Variants in EIF4A2 observed in about 807,000 individuals in gnomAD.
EIF4A2 encodes the protein eukaryotic translation initiation factor 4A2.
A neutral mutation model predicts 50.6 loss-of-function variants in EIF4A2; 9 were observed. The observed-to-expected ratio is 0.18, with a 90% confidence interval of 0.11 to 0.31. The LOEUF (loss-of-function observed/expected upper bound fraction) is 0.31, where lower values mean the gene tolerates loss of function less well. Among genes scored for constraint, EIF4A2 ranks in the 10% least tolerant of loss-of-function variants. EIF4A2 has a pLI of 1.00. For missense variants in EIF4A2, 182 were observed against 501.8 expected (o/e 0.36, Z 6.09); for synonymous variants, 215 against 164.4 (o/e 1.31, Z -2.35).
At chr3:186,784,768 G>A (rs2108455030) in intron 3 of EIF4A2, 72 bp downstream of exon 3, 1 of 1,608,254 alleles carries the variant, frequency 6.2e-7, no homozygotes, top group African/African-American at 1.3e-5. Context: ...GTAACCTCTG[G>A]GGGACTAGCA....
At position 186,789,263 on chromosome 3, in the gene EIF4A2, T is replaced by C. The variant is rs752152067; in HGVS notation, c.1218T>C (p.Leu406=). The C allele has an allele frequency of 2.4e-5, 39 of 1,606,376 alleles. No individual in the cohort carries two copies. The highest frequency in any genetic ancestry group is 3.1e-5 in the Non-Finnish European group (36 of 1,176,996). ...AGATGCCCATGAATGTGGCTGACCT[T>C]ATTTAATTCCTGGGATGAGAGTTTT... ...VEEMPMNVAD[L]I is the part of the protein sequence containing the mutation. The change falls in exon 11 of 11, where the codon CTT becomes CTC. Residue 406 remains leucine (L), a synonymous_variant. Coordinates refer to ENST00000323963, the MANE Select transcript of EIF4A2 (RefSeq NM_001967.4).
intron 10 of EIF4A2, chr3:186,788,354 C>T (rs913005516): frequency 3.9e-6 from 5 of 1,289,342 alleles, no homozygotes; most frequent in Non-Finnish European, 4.0e-6. Context: ...TCAGAAACGG[C>T]GTTGACGTAA....
intron 9 of EIF4A2, 49 bp from the exon 10 acceptor site, chr3:186,787,754 G>C (rs756315182): frequency 6.2e-7 from 1 of 1,610,608 alleles, no homozygotes. Flanking sequence ...TACATGACAG[G>C]TGTCAAGTTT....
chr3:186,785,463 CTA>C (rs1244846949), intron 4 of EIF4A2: 1 of 320,986 alleles, frequency 3.1e-6, no homozygotes, highest in African/African-American at 2.1e-5. Flanking sequence ...AAGCTCACTG[CTA>C]TATTGGCTTT....
intron 5 of EIF4A2, 37 bp from the exon 6 acceptor site, chr3:186,786,127 A>G (rs779109437): frequency 1.4e-5 from 23 of 1,606,408 alleles, no homozygotes; most frequent in Middle Eastern, 1.7e-4. Context: ...ATCACTGAGT[A>G]GATCTAGAAA....
In EIF4A2 at chr3:186,789,743, C is replaced by T. The variant is rs982187922; in HGVS notation, c.*474C>T. On this transcript the variant is annotated 3_prime_UTR_variant, in exon 11 of 11. Coordinates refer to ENST00000323963, the MANE Select transcript of EIF4A2 (RefSeq NM_001967.4). ...CATTTTGTTTGGTATTGTATTTATT[C>T]AATAAAGTATTTAATTAGTGCTAAG... 2.2e-6 allele frequency: 1 copy of T among 460,148 alleles called. No individual in the cohort carries two copies. Among genetic ancestry groups the T allele is most frequent in the Admixed American group, 3.9e-5 (1 of 25,470 alleles). 28.5% of individuals were successfully genotyped at this position (460,148 alleles called of 1,614,324 possible).
rs1364835273 is a variant in EIF4A2 at position 186,789,836 on chromosome 3, T to C, written c.*567T>C. 1 of 659,592 alleles carries C rather than the reference T, an allele frequency of 1.5e-6. No individual in the cohort carries two copies. The highest frequency in any genetic ancestry group is 1.8e-5 in the African/African-American group (1 of 55,112). The allele number at this position is 659,592 out of a possible 1,614,324, so 40.9% of individuals were successfully genotyped here. On this transcript the variant is annotated 3_prime_UTR_variant, in exon 11 of 11. Coordinates refer to ENST00000323963, the MANE Select transcript of EIF4A2 (RefSeq NM_001967.4). ...GGTAGGGTTTAATCCCCAGTAAAAT[T>C]GCCATATTGCACATGTCTTAATGAA...
chr3:186,785,112 T>C lies in EIF4A2; in HGVS notation c.348+11T>C. 2 of 1,612,332 alleles carry C rather than the reference T, an allele frequency of 1.2e-6. No individual in the cohort carries two copies. Among genetic ancestry groups the C allele is most frequent in the Non-Finnish European group, 1.7e-6 (2 of 1,179,298 alleles). On this transcript the variant is annotated intron_variant, in intron 4 of 10. Transcript: ENST00000323963. ...GAACTGGCTCAACAGGTATTGATAG[T>C]GTAGTTCAAAAAAACTGCTTGCGTG...
At chr3:186,786,103 A>G (rs780827444) in intron 5 of EIF4A2, 52 bp downstream of exon 5, 2 of 1,600,984 alleles carry the variant, frequency 1.2e-6, no homozygotes, top group African/African-American at 2.7e-5. Flanking sequence ...AACATAGTTG[A>G]AAAGTCAAAT....
chr3:186,786,570 A>G lies in EIF4A2; in HGVS notation c.696A>G (p.Pro232=). The G allele has an allele frequency of 6.2e-7, 1 of 1,613,752 alleles. No individual in the cohort carries two copies. ...TGACCAAAAAATTCATGAGAGATCC[A>G]ATTCGAATTCTGGTGAAAAAGGAAG... The part of the protein sequence containing the change: ...LEVTKKFMRD[P]IRILVKKEEL... The change falls in exon 7 of 11, where the codon CCA becomes CCG. Residue 232 remains proline (P), a synonymous_variant. Coordinates refer to ENST00000323963, the MANE Select transcript of EIF4A2 (RefSeq NM_001967.4).
intron 10 of EIF4A2, chr3:186,788,238 T>C (rs1721881548): frequency 8.1e-7 from 1 of 1,230,830 alleles, no homozygotes; most frequent in Admixed American, 2.4e-5. Flanking sequence ...TTAGTTATAG[T>C]GGCTTTATCC....
At chr3:186,783,964 G>A (rs1721525376) in intron 1 of EIF4A2, 1 of 452,942 alleles carries the variant, frequency 2.2e-6, no homozygotes, top group East Asian at 3.8e-5. Flanking sequence ...CTGTAACCAG[G>A]ACCCGAAGCT....
Position 186,784,660 on chromosome 3 carries a change from G to T in EIF4A2, c.172G>T (p.Ala58Ser), listed in dbSNP as rs1560083657. 1 of 1,614,200 alleles carries T rather than the reference G, an allele frequency of 6.2e-7. No individual in the cohort carries two copies. ...IYAYGFEKPS[A>S]IQQRAIIPCI... ...TGCTTACGGTTTTGAGAAGCCTTCC[G>T]CTATTCAGCAGAGAGCTATTATTCC... Residue 58 changes from alanine to serine, a missense_variant, in exon 3 of 11, where the codon GCT becomes TCT. This residue lies in a region of EIF4A2 where 113 missense variants were observed against 357.3 expected (regional missense o/e 0.32). Transcript: ENST00000323963.
intron 1 of EIF4A2, chr3:186,784,103 G>C (rs1721540104): frequency 1.7e-5 from 8 of 480,754 alleles, no homozygotes; most frequent in Non-Finnish European, 2.6e-5. Context: ...GTGAACCGTT[G>C]GCATCGCCCT....
chr3:186,787,430 A>T (rs1004555557), intron 8 of EIF4A2, 65 bp from the exon 9 acceptor site: 1 of 1,610,230 alleles, frequency 6.2e-7, no homozygotes, highest in Non-Finnish European at 8.5e-7. Flanking sequence ...GGTCTCATAC[A>T]TGTTGATTAA....
intron 10 of EIF4A2, chr3:186,788,423 A>T (rs1422707779): frequency 8.0e-7 from 1 of 1,246,120 alleles, no homozygotes; most frequent in African/African-American, 1.6e-5. Context: ...GCGAGTCGGT[A>T]TTTATATTTG....
rs199556041 is a variant in EIF4A2, at chr3:186,789,229, C to G, written c.1184C>G (p.Thr395Arg). The change falls in exon 11 of 11, where the codon ACA becomes AGA. Residue 395 changes from threonine to arginine, a missense_variant. By Grantham distance (71) the Thr-to-Arg change is moderately conservative (BLOSUM62 -1). Transcript: ENST00000323963. ...GACATTGAGACTTTCTACAATACTACAGTGGAGGAGATGCCCATGAATGTG... is the reference window on the plus strand; with the variant it reads ...GACATTGAGACTTTCTACAATACTAGAGTGGAGGAGATGCCCATGAATGTG... The part of the protein sequence containing the change: ...LRDIETFYNT[T>R]VEEMPMNVAD... 3.7e-6 allele frequency: 6 copies of G among 1,612,156 alleles called. No homozygotes were observed. Among genetic ancestry groups the G allele is most frequent in the East Asian group, 2.2e-5 (1 of 44,802 alleles).
At position 186,786,075 on chromosome 3, in the gene EIF4A2, A is replaced by AT. The variant is rs753726599; in HGVS notation, c.517+32dup. 1.1e-4 allele frequency: 170 copies of AT among 1,599,822 alleles called. 3 individuals carry two copies. The highest frequency in any genetic ancestry group is 5.6e-4 in the African/African-American group (42 of 74,678). On this transcript the variant is annotated intron_variant, in intron 5 of 10. Transcript: ENST00000323963. ...TTGTAAGTATTGTCTTTAAGAGAGTATTTTTTTTAAAACTGTTAACATAGT... is the reference window on the plus strand; with the variant it reads ...TTGTAAGTATTGTCTTTAAGAGAGTATTTTTTTTTAAAACTGTTAACATAGT...
intron 4 of EIF4A2, 135 bp downstream of exon 4, chr3:186,785,236 G>A: frequency 7.5e-7 from 1 of 1,331,838 alleles, no homozygotes; most frequent in Non-Finnish European, 1.0e-6. Context: ...CATGCAGGGA[G>A]TTTTTGTTGA....
Sources: allele counts gnomAD v4.1 joint callset, GRCh38; gene constraint gnomAD v4.1.1; regional missense constraint gnomAD v4.1.1; transcripts MANE v1.5; gene names NCBI Gene and HGNC (gene_info 2026-07-23, HGNC 2026-07-21).